Variants in HRC observed in about 807,000 individuals in gnomAD.
HRC encodes histidine rich calcium binding protein, also known as sarcoplasmic reticulum histidine-rich calcium-binding protein.
Under a neutral mutation model 61.4 loss-of-function variants are expected in HRC, and 41 were observed. The ratio of observed to expected loss-of-function variants is 0.67; its 90% confidence interval spans 0.52 to 0.87. The LOEUF (loss-of-function observed/expected upper bound fraction) is 0.87. Ranked by LOEUF, HRC falls within the 40% of genes least tolerant of loss-of-function variation. The probability of loss-of-function intolerance (pLI) is 0.00; values close to 1 mark genes in which losing one functional copy is unlikely to be tolerated. For synonymous variants in HRC, 308 were observed against 326.6 expected (o/e 0.94, Z 0.62); for missense variants, 839 against 885.8 (o/e 0.95, Z 0.67).
chr19:49,152,268 C>T, intron 3 of HRC, 42 bp downstream of exon 3: 1 of 1,567,106 alleles, frequency 6.4e-7, no homozygotes, highest in African/African-American at 1.3e-5. Context: ...CCCGGTGCAT[C>T]CTGAGGCCCA....
At position 49,153,151 on chromosome 19, in the gene HRC, G is replaced by A. The variant is rs1476167195; in HGVS notation, c.1902+110C>T. The A allele has an allele frequency of 3.8e-6, 3 of 790,794 alleles. No homozygotes were observed. In the African/African-American group the frequency reaches 5.1e-5, roughly 13 times the overall value. 49.0% of individuals were successfully genotyped at this position (790,794 alleles called of 1,614,324 possible). On this transcript the variant is annotated intron_variant, in intron 2 of 5. Transcript: ENST00000252825. This position sits in a 1 kb window ranked among gnomAD's most constrained non-coding sequence, Gnocchi z 4.8. ...CTGCAGAAGGATCTCTTTTCTTTCA[G>A]AACTGACCCTGGCCTGCCCTTGCTC...
At position 49,151,247 on chromosome 19, in the gene HRC, G is replaced by C. The variant is rs1410112471; in HGVS notation, c.*49C>G. 1.4e-6 allele frequency: 2 copies of C among 1,457,434 alleles called. No homozygotes were observed. Among genetic ancestry groups the C allele is most frequent in the East Asian group, 5.0e-5 (2 of 40,400 alleles). The allele number at this position is 1,457,434 out of a possible 1,614,324, so 90.3% of individuals were successfully genotyped here. ...GAAATAAATATAGCTCGTGGAAAGG[G>C]GTTGGAAGGCAGGGGGAGGTACACC... On this transcript the variant is annotated 3_prime_UTR_variant, in exon 6 of 6. Coordinates refer to ENST00000252825, the MANE Select transcript of HRC (RefSeq NM_002152.3).
In HRC at chr19:49,154,696, C is replaced by G. The variant is rs148430204; in HGVS notation, c.542G>C (p.Gly181Ala). The change falls in exon 1 of 6, where the codon GGA becomes GCA. Residue 181 changes from glycine to alanine, a missense_variant. Physicochemically the swap from Gly to Ala is moderately conservative, Grantham distance 60 (BLOSUM62 0). Coordinates refer to ENST00000252825, the MANE Select transcript of HRC (RefSeq NM_002152.3). Reference sequence around the variant, plus strand: ...ATCTTCCCCATCATGGCCTCGGTGTCCATGCCTGAGGATATGATGGTGATG... The same window carrying G: ...ATCTTCCCCATCATGGCCTCGGTGTGCATGCCTGAGGATATGATGGTGATG... ...SEHHHHILRH[G>A]HRGHDGEDDE... The G allele has an allele frequency of 2.2e-5, 35 of 1,613,986 alleles. No individual in the cohort carries two copies. The African/African-American group carries it at 4.4e-4, about 20-fold the overall frequency.
At position 49,151,292 on chromosome 19, in the gene HRC, T is replaced by G. The variant is rs1179796383; in HGVS notation, c.*4A>C. 1.3e-6 allele frequency: 2 copies of G among 1,551,492 alleles called. No individual in the cohort carries two copies. The highest frequency in any genetic ancestry group is 1.7e-6 in the Non-Finnish European group (2 of 1,145,878). On this transcript the variant is annotated 3_prime_UTR_variant, in exon 6 of 6. Transcript: ENST00000252825. Reference sequence around the variant, plus strand: ...TACACCTGCGTCGCAGTCGAGCGACTGGGTCAGGGTTCCGGCGTTTCCAGC... The same window carrying G: ...TACACCTGCGTCGCAGTCGAGCGACGGGGTCAGGGTTCCGGCGTTTCCAGC...
intron 2 of HRC, among the ~76,000 whole-genome samples, chr19:49,152,969 C>T (rs2041376469): frequency 6.6e-6 from 1 of 152,106 alleles, no homozygotes; most frequent in Non-Finnish European, 1.5e-5. Context: ...TCCCCCTAGC[C>T]TATCAGCCCC....
intron 2 of HRC, 104 bp from the exon 3 acceptor site, chr19:49,152,482 C>CTCTT: frequency 1.2e-6 from 1 of 822,914 alleles, no homozygotes; most frequent in South Asian, 1.7e-5. Context: ...AGACTCTACC[C>CTCTT]TCTTTATCTC....
Position 49,151,986 on chromosome 19 carries a change from G to T in HRC, c.2026+18C>A. On this transcript the variant is annotated intron_variant, in intron 4 of 5. Coordinates refer to ENST00000252825, the MANE Select transcript of HRC (RefSeq NM_002152.3). ...CGGCACCTTCCTCAGGTTTTTCCAGGGCCCCGCCCATGCTCACCTGGAGCG... is the reference window on the plus strand; with the variant it reads ...CGGCACCTTCCTCAGGTTTTTCCAGTGCCCCGCCCATGCTCACCTGGAGCG... 1 of 1,613,488 alleles carries T rather than the reference G, an allele frequency of 6.2e-7. No homozygotes were observed. The highest frequency in any genetic ancestry group is 1.1e-5 in the South Asian group (1 of 91,074).
At position 49,153,206 on chromosome 19, in the gene HRC, C is replaced by T. The variant is rs186827834; in HGVS notation, c.1902+55G>A. 22 of 1,406,280 alleles carry T rather than the reference C, an allele frequency of 1.6e-5. No individual in the cohort carries two copies. In the African/African-American group the frequency reaches 2.3e-4, roughly 14 times the overall value. 87.1% of individuals were successfully genotyped at this position (1,406,280 alleles called of 1,614,324 possible). On this transcript the variant is annotated intron_variant, in intron 2 of 5. Coordinates refer to ENST00000252825, the MANE Select transcript of HRC (RefSeq NM_002152.3). This position sits in a 1 kb window ranked among gnomAD's most constrained non-coding sequence, Gnocchi z 4.8. ...CCCTCCCACAGCACCACCCCAGGGC[C>T]CCTGGGACAGATTCTGGGGACACCT...
chr19:49,154,688 C>T lies in HRC; in HGVS notation c.550G>A (p.Gly184Ser), dbSNP rs2041405534. ...CCTTCATCATCTTCCCCATCATGGC[C>T]TCGGTGTCCATGCCTGAGGATATGA... ...HHHILRHGHR[G>S]HDGEDDEGEE... The change falls in exon 1 of 6, where the codon GGC becomes AGC. Residue 184 changes from glycine (G) to serine (S), a missense_variant. Physicochemically the swap from Gly to Ser is moderately conservative, Grantham distance 56. Coordinates refer to ENST00000252825, the MANE Select transcript of HRC (RefSeq NM_002152.3). The T allele has an allele frequency of 2.6e-5, 42 of 1,613,998 alleles. No homozygotes were observed. The highest frequency in any genetic ancestry group is 3.6e-5 in the Non-Finnish European group (42 of 1,179,978).
At position 49,153,393 on chromosome 19, in the gene HRC, C is replaced by T; in HGVS notation, c.1831+14G>A. Reference sequence around the variant, plus strand: ...CTCGGTTCCTTCCCACCCACACCAGCCCAGGCCACTTACCTGTGTCCTCAC... The same window carrying T: ...CTCGGTTCCTTCCCACCCACACCAGTCCAGGCCACTTACCTGTGTCCTCAC... On this transcript the variant is annotated intron_variant, in intron 1 of 5. Transcript: ENST00000252825. This position sits in a 1 kb window ranked among gnomAD's most constrained non-coding sequence, Gnocchi z 4.8. 6.2e-7 allele frequency: 1 copy of T among 1,613,462 alleles called. No homozygotes were observed. The highest frequency in any genetic ancestry group is 8.5e-7 in the Non-Finnish European group (1 of 1,179,434).
Position 49,152,292 on chromosome 19 carries a change from T to C in HRC, c.1971+18A>G. On this transcript the variant is annotated intron_variant, in intron 3 of 5. Transcript: ENST00000252825. ...TCCTGAGGCCCAGTGGAGCCTTGAG[T>C]GTGAGGTGAGGTCTCACCTGGCACT... 1 of 1,606,284 alleles carries C rather than the reference T, an allele frequency of 6.2e-7. No homozygotes were observed. The highest frequency in any genetic ancestry group is 8.5e-7 in the Non-Finnish European group (1 of 1,174,030).
In HRC at chr19:49,153,843, G is replaced by A; in HGVS notation, c.1395C>T (p.Pro465=). The change falls in exon 1 of 6, where the codon CCC becomes CCT. Residue 465 remains proline (P), a synonymous_variant. Coordinates refer to ENST00000252825, the MANE Select transcript of HRC (RefSeq NM_002152.3). This position sits in a 1 kb window ranked among gnomAD's most constrained non-coding sequence, Gnocchi z 4.8. ...RGSIKEMSHH[P]PGHTVVKDRS... ...TATCCTTGACCACTGTGTGTCCTGG[G>A]GGGTGATGGCTCATCTCTTTGATGG... is the stretch of plus-strand genomic sequence containing the variant. 6.2e-7 allele frequency: 1 copy of A among 1,614,044 alleles called. No individual in the cohort carries two copies. The highest frequency in any genetic ancestry group is 8.5e-7 in the Non-Finnish European group (1 of 1,180,016).
rs1180897428 is a variant in HRC at position 49,152,209 on chromosome 19, A to T, written c.1971+101T>A. On this transcript the variant is annotated intron_variant, in intron 3 of 5. Transcript: ENST00000252825. ...TGGAGTCAAGGTTGCATCAGGGGTA[A>T]GGGGTTGGGTCAGAGGCCAGGATTT... 3 of 1,271,292 alleles carry T rather than the reference A, an allele frequency of 2.4e-6. No homozygotes were observed. In the East Asian group the frequency reaches 6.9e-5, roughly 29 times the overall value. The allele number at this position is 1,271,292 out of a possible 1,614,324, so 78.8% of individuals were successfully genotyped here.
In HRC at chr19:49,154,864, G is replaced by A. The variant is rs141840823; in HGVS notation, c.374C>T (p.Ala125Val). 127 of 1,613,964 alleles carry A rather than the reference G, an allele frequency of 7.9e-5. No individual in the cohort carries two copies. Among genetic ancestry groups the A allele is most frequent in the Non-Finnish European group, 1.0e-4 (120 of 1,179,996 alleles). Residue 125 changes from alanine (A) to valine (V), a missense_variant, in exon 1 of 6, where the codon GCA becomes GTA. Ala to Val is a moderately conservative substitution (Grantham distance 64). Transcript: ENST00000252825. Reference protein sequence around the residue: ...DEGVSGEEVFAEHGGQARGHR... With the variant: ...DEGVSGEEVFVEHGGQARGHR... ...CCCACGGGCCTGCCCACCATGCTCT[G>A]CAAAGACCTCCTCACCTGAGACACC...
chr19:49,151,390 C>G, intron 5 of HRC, 58 bp from the exon 6 acceptor site: 1 of 1,565,138 alleles, frequency 6.4e-7, no homozygotes, highest in African/African-American at 1.3e-5. Flanking sequence ...CCCCAGGACG[C>G]TTAGAGATCA....
chr19:49,151,917 A>C (rs1423520), intron 4 of HRC, 87 bp downstream of exon 4: 3 of 1,366,640 alleles, frequency 2.2e-6, no homozygotes, highest in Non-Finnish European at 3.1e-6. Flanking sequence ...CCACCAGCCT[A>C]CCGGGCCAGG....
Position 49,153,349 on chromosome 19 carries a change from C to G in HRC, c.1832-18G>C. ...CTGTGGACCTGCGGGGACAGGAGGG[C>G]AGCAGTGACCCAGGCTGACTCGGTT... is the stretch of plus-strand genomic sequence containing the variant. On this transcript the variant is annotated intron_variant, in intron 1 of 5. Coordinates refer to ENST00000252825, the MANE Select transcript of HRC (RefSeq NM_002152.3). This position sits in a 1 kb window ranked among gnomAD's most constrained non-coding sequence, Gnocchi z 4.8. 1.2e-6 allele frequency: 2 copies of G among 1,613,062 alleles called. No individual in the cohort carries two copies. Among genetic ancestry groups the G allele is most frequent in the Non-Finnish European group, 1.7e-6 (2 of 1,179,048 alleles).
intron 5 of HRC, 57 bp from the exon 6 acceptor site, chr19:49,151,389 G>T: frequency 1.3e-6 from 2 of 1,561,468 alleles, no homozygotes; most frequent in Non-Finnish European, 8.7e-7. Context: ...ACCCCAGGAC[G>T]CTTAGAGATC....
chr19:49,154,323 A>G lies in HRC; in HGVS notation c.915T>C (p.Asn305=), dbSNP rs1428863716. Residue 305 remains asparagine, a synonymous_variant, in exon 1 of 6, where the codon AAT becomes AAC. Transcript: ENST00000252825. ...ACTCAGTGGAGACATCATCATCATC[A>G]TTGTCATCTTCTTCATGGCTTCGGT... ...HRHRSHEEDD[N]DDDDVSTEYG... 2.5e-6 allele frequency: 4 copies of G among 1,594,556 alleles called. No individual in the cohort carries two copies. In the South Asian group the frequency reaches 3.3e-5, roughly 13 times the overall value.
Sources: gnomAD v4.1 joint callset for allele counts (sites outside exome capture counted in the v4.1 genomes callset) on GRCh38, gnomAD v4.1.1 for gene constraint, Gnocchi (gnomAD v3.1) non-coding constraint, MANE v1.5 for transcripts, NCBI Gene and HGNC (gene_info 2026-07-23, HGNC 2026-07-21) for gene names.